Variants in CRISP2 observed in about 807,000 individuals in gnomAD.
CRISP2 encodes cysteine-rich secretory protein 2.
CRISP2 carries 29 observed loss-of-function variants against 31.7 expected under a neutral mutation model. The observed-to-expected ratio is 0.92, with a 90% CI of 0.68 to 1.25. The LOEUF is 1.25. Among genes scored for constraint, CRISP2 ranks in the 50% most tolerant of loss-of-function variants. CRISP2 has a pLI of 0.00. For synonymous variants in CRISP2, 111 were observed against 101.4 expected (o/e 1.09, Z -0.57); for missense variants, 318 against 286.5 (o/e 1.11, Z -0.79).
rs1246775517 is a variant in CRISP2, at chr6:49,695,918, A to G, written c.522T>C (p.Asn174=). ...YYVCQYCPAG[N]NMNRKNTPYQ... ...ACGGGGTATTCTTTCTATTCATATT[A>G]TTACCACTGAAATTTGAAATACATG... Residue 174 remains asparagine, a synonymous_variant, in exon 9 of 10, where the codon AAT becomes AAC. Coordinates refer to ENST00000339139, the MANE Select transcript of CRISP2 (RefSeq NM_003296.4). 4 of 1,608,060 alleles carry G rather than the reference A, an allele frequency of 2.5e-6. No individual in the cohort carries two copies. Among genetic ancestry groups the G allele is most frequent in the African/African-American group, 1.3e-5 (1 of 74,716 alleles).
At chr6:49,707,893 A>G (rs1767346206) in intron 4 of CRISP2, among the ~76,000 whole-genome samples, 1 of 152,218 alleles carries the variant, frequency 6.6e-6, no homozygotes, top group Admixed American at 6.5e-5. Context: ...AATTCAACAA[A>G]GTAGCATATT....
At chr6:49,686,895 C>A in the CRISP2 span, among the ~76,000 whole-genome samples, 1 of 152,132 alleles carries the variant, frequency 6.6e-6, no homozygotes, top group Non-Finnish European at 1.5e-5. Flanking sequence ...GAGTTCATGT[C>A]CTTTGTAGGG....
chr6:49,683,384 A>G, the CRISP2 span, among the ~76,000 whole-genome samples: 8 of 151,634 alleles, frequency 5.3e-5, no homozygotes, highest in East Asian at 1.6e-3. Flanking sequence ...TTTTTAATAT[A>G]ATAGAAACAG....
chr6:49,712,001 C>T (rs1403913358), intron 2 of CRISP2, among the ~76,000 whole-genome samples: 2 of 152,156 alleles, frequency 1.3e-5, no homozygotes, highest in East Asian at 1.9e-4. Context: ...TAAACATATG[C>T]TGTTTGATTG....
intron 5 of CRISP2, 71 bp from the exon 6 acceptor site, chr6:49,699,962 T>C: frequency 1.5e-6 from 2 of 1,332,498 alleles, no homozygotes; most frequent in Non-Finnish European, 2.1e-6. Flanking sequence ...TATAATCTGA[T>C]TTGTAAATAC....
chr6:49,713,527 C>G lies in CRISP2; in HGVS notation c.-203G>C, dbSNP rs1768409700. ...TTCCTGCAGTTGGGCCGGCGCGTTG[C>G]GGCGTTGAGGAGCTGCGGCGCGCCC... is the stretch of plus-strand genomic sequence containing the variant. On this transcript the variant is annotated 5_prime_UTR_variant, in exon 1 of 10. Coordinates refer to ENST00000339139, the MANE Select transcript of CRISP2 (RefSeq NM_003296.4). The G allele has an allele frequency of 6.6e-6, 1 of 152,260 alleles. No individual in the cohort carries two copies. Among genetic ancestry groups the G allele is most frequent in the Admixed American group, 6.5e-5 (1 of 15,274 alleles). The allele number at this position is 152,260 out of a possible 1,614,324, so 9.4% of individuals were successfully genotyped here. A position where few individuals can be genotyped will look rare whatever the true frequency, so the allele number is the denominator to read the frequency against.
chr6:49,682,635 CTTTCTTTCTTCTTTCTTTCT>C, the CRISP2 span, among the ~76,000 whole-genome samples: 525 of 73,358 alleles, frequency 7.2e-3, 6 homozygotes, highest in Admixed American at 0.013. Flanking sequence ...TTCTTTCTTT[CTTTCTTTCTTCTTTCTTTCT>C]TTTCTTTCTT....
chr6:49,677,451 T>G, the CRISP2 span, among the ~76,000 whole-genome samples: 1 of 152,096 alleles, frequency 6.6e-6, no homozygotes, highest in Non-Finnish European at 1.5e-5. Context: ...TCCCATAGAG[T>G]TGATGTTTCT....
the CRISP2 span, among the ~76,000 whole-genome samples, chr6:49,676,955 C>A: frequency 5.3e-5 from 8 of 152,012 alleles, no homozygotes; most frequent in African/African-American, 1.4e-4. Context: ...TCTCACAATG[C>A]CTTAGATTTT....
At chr6:49,697,732 A>G in intron 8 of CRISP2, 128 bp downstream of exon 8, 1 of 1,551,596 alleles carries the variant, frequency 6.4e-7, no homozygotes, top group Non-Finnish European at 8.7e-7. Flanking sequence ...ACCTTAAAAA[A>G]CATTTCCAAA....
chr6:49,681,952 C>T, the CRISP2 span, among the ~76,000 whole-genome samples: 1 of 151,982 alleles, frequency 6.6e-6, no homozygotes, highest in Non-Finnish European at 1.5e-5. Context: ...TTTAATATCC[C>T]CCAAGCATTT....
At position 49,710,125 on chromosome 6, in the gene CRISP2, C is replaced by T. The variant is rs564989824; in HGVS notation, c.-9-920G>A. ...AAATTCTTGGAAAGAAAGAAAATTC[C>T]GAACAATTTATCTGTGATGCTTCTC... On this transcript the variant is annotated intron_variant, in intron 3 of 9. Transcript: ENST00000339139. Among the ~76,000 whole-genome samples, 5 of 152,218 alleles carry T rather than the reference C, an allele frequency of 3.3e-5. No individual in the cohort carries two copies. The South Asian group carries it at 6.2e-4, about 19-fold the overall frequency.
intron 9 of CRISP2, among the ~76,000 whole-genome samples, chr6:49,694,539 A>AGT: frequency 6.6e-6 from 1 of 152,016 alleles, no homozygotes. Flanking sequence ...TCCAAGGCAG[A>AGT]GTACCCCACA....
At chr6:49,687,991 A>C (rs1433650003), downstream of CRISP2, among the ~76,000 whole-genome samples, 1 of 152,176 alleles carries the variant, frequency 6.6e-6, no homozygotes, top group Non-Finnish European at 1.5e-5. Flanking sequence ...CAACTGGGGA[A>C]ATACCAGCCC....
the CRISP2 span, among the ~76,000 whole-genome samples, chr6:49,683,243 G>A: frequency 6.6e-6 from 1 of 151,830 alleles, no homozygotes; most frequent in Admixed American, 6.6e-5. Context: ...AATCTTAATT[G>A]CATAGCTCAT....
In CRISP2 at chr6:49,701,770, T is replaced by C. The variant is rs529262433; in HGVS notation, c.67-986A>G. On this transcript the variant is annotated intron_variant, in intron 4 of 9. Transcript: ENST00000339139. The stretch of plus-strand genomic sequence containing the variant: ...ATATATATAATGTATACATTATATA[T>C]GTATGCATTATATATGTATGTATGT... Among the ~76,000 whole-genome samples the C allele has an allele frequency of 7.3e-4, 79 of 107,528 alleles. 1 individual carries two copies. The highest frequency in any genetic ancestry group is 2.7e-3 in the African/African-American group (74 of 27,328). The allele number at this position is 107,528 out of a possible 152,430, so 70.5% of individuals were successfully genotyped here.
intron 4 of CRISP2, among the ~76,000 whole-genome samples, chr6:49,702,158 T>TGTGTAC (rs1561879185): frequency 8.7e-6 from 1 of 114,832 alleles, no homozygotes; most frequent in African/African-American, 3.2e-5. Context: ...TATATATATA[T>TGTGTAC]ATATATATAT....
chr6:49,679,340 G>C, the CRISP2 span, among the ~76,000 whole-genome samples: 3 of 152,134 alleles, frequency 2.0e-5, no homozygotes, highest in Non-Finnish European at 4.4e-5. Context: ...TTAAGGTACA[G>C]TATTAGCCAC....
At chr6:49,692,979 AG>A (rs1200214130) in intron 9 of CRISP2, 79 bp from the exon 10 acceptor site, 17 of 1,463,244 alleles carry the variant, frequency 1.2e-5, no homozygotes, top group Non-Finnish European at 1.4e-5. Flanking sequence ...GTGTGTGGGG[AG>A]GGGGTAGGAG....
Sources: allele counts gnomAD v4.1 joint callset (sites outside exome capture counted in the v4.1 genomes callset), GRCh38; gene constraint gnomAD v4.1.1; transcripts MANE v1.5; gene names NCBI Gene and HGNC (gene_info 2026-07-23, HGNC 2026-07-21).